Variants in PRKD1 observed in about 807,000 individuals in gnomAD.
PRKD1 encodes protein kinase D1, also known as serine/threonine-protein kinase D1.
PRKD1 carries 63 observed loss-of-function variants against 95.9 expected under a neutral mutation model. That is an observed-to-expected ratio of 0.66 (90% CI 0.54 to 0.81). The LOEUF (loss-of-function observed/expected upper bound fraction) is 0.81, where lower values mean the gene tolerates loss of function less well. PRKD1 is among the 30% of genes least tolerant of loss of function. PRKD1 has a pLI of 0.00. For missense variants in PRKD1, 1,048 were observed against 1,165.3 expected (o/e 0.90, Z 1.47); for synonymous variants, 425 against 423.1 (o/e 1.00, Z -0.05).
intron 17 of PRKD1, among the ~76,000 whole-genome samples, chr14:29,578,051 T>C (rs575756322): frequency 2.6e-5 from 4 of 152,204 alleles, no homozygotes; most frequent in Admixed American, 2.0e-4. Context: ...TGTGTGTGTG[T>C]ATATGCGTGC....
intron 13 of PRKD1, among the ~76,000 whole-genome samples, chr14:29,609,443 A>G (rs1271793741): frequency 4.0e-5 from 6 of 151,050 alleles, no homozygotes; most frequent in Non-Finnish European, 7.4e-5. Context: ...GGTGAGGATC[A>G]ATTCAATGTT....
chr14:29,577,325 C>T lies in PRKD1; in HGVS notation c.2652G>A (p.Leu884=). The T allele has an allele frequency of 6.2e-7, 1 of 1,613,844 alleles. No homozygotes were observed. The highest frequency in any genetic ancestry group is 8.5e-7 in the Non-Finnish European group (1 of 1,179,842). Residue 884 remains leucine (L), a synonymous_variant, in exon 18 of 18, where the codon CTG becomes CTA. Transcript: ENST00000331968. ...GEQGLQYPTH[L]INPSASHSDT... ...CACTGTGGCTAGCACTTGGATTGAT[C>T]AGGTGTGTGGGGTACTGCAGCCCCT...
At chr14:29,725,824 G>T in intron 1 of PRKD1, 150 bp from the exon 2 acceptor site, 1 of 789,786 alleles carries the variant, frequency 1.3e-6, no homozygotes, top group Non-Finnish European at 1.8e-6. Flanking sequence ...TAAATAAATG[G>T]TAGAGTTGAT....
intron 16 of PRKD1, among the ~76,000 whole-genome samples, chr14:29,584,639 A>G (rs766312885): frequency 7.2e-5 from 11 of 152,220 alleles, no homozygotes; most frequent in Non-Finnish European, 1.5e-4. Context: ...CAGACTGAAT[A>G]CATTAAATAG....
Position 29,577,398 on chromosome 14 carries a change from A to G in PRKD1, c.2579T>C (p.Ile860Thr). The change falls in exon 18 of 18, where the codon ATC (isoleucine) becomes ACC (threonine). Residue 860 changes from isoleucine (I) to threonine (T), a missense_variant. Around this residue, in one of 3 missense-constraint regions of PRKD1, gnomAD observed 739 missense variants for 861.9 expected, o/e 0.86. Transcript: ENST00000331968. ...CCTCAGGTCATCACTTTCATGGGTGATGTAGCGCTCCCCGATTTTGCATTC... is the reference window on the plus strand; with the variant it reads ...CCTCAGGTCATCACTTTCATGGGTGGTGTAGCGCTCCCCGATTTTGCATTC... ...ELECKIGERY[I>T]THESDDLRWE... The G allele has an allele frequency of 6.2e-7, 1 of 1,613,802 alleles. No homozygotes were observed. Among genetic ancestry groups the G allele is most frequent in the Non-Finnish European group, 8.5e-7 (1 of 1,179,814 alleles).
At chr14:29,621,707 C>T (rs990236984) in intron 13 of PRKD1, among the ~76,000 whole-genome samples, 2 of 152,140 alleles carry the variant, frequency 1.3e-5, no homozygotes, top group Admixed American at 6.5e-5. Context: ...CCCATGACAG[C>T]AAAGAGCTGT....
intron 1 of PRKD1, among the ~76,000 whole-genome samples, chr14:29,858,580 G>C (rs1052948661): frequency 1.3e-5 from 2 of 152,018 alleles, no homozygotes; most frequent in African/African-American, 4.8e-5. Flanking sequence ...CGAAACACTA[G>C]AGATTACTTG....
chr14:29,725,698 G>T, intron 1 of PRKD1, 24 bp from the exon 2 acceptor site: 1 of 1,602,074 alleles, frequency 6.2e-7, no homozygotes, highest in Non-Finnish European at 8.5e-7. Context: ...TACCATGAGA[G>T]TGTAAATGTC....
In PRKD1 at chr14:29,626,481, T is replaced by G. The variant is rs376007281; in HGVS notation, c.1798+3A>C. On this transcript the variant is annotated splice_donor_region_variant and intron_variant, in intron 12 of 17. Transcript: ENST00000331968. Reference sequence around the variant, plus strand: ...CATAAAAATACTCAGTGAGATAACCTACCTCCATAAACAATTCCAAACTGT... The same window carrying G: ...CATAAAAATACTCAGTGAGATAACCGACCTCCATAAACAATTCCAAACTGT... 6.2e-7 allele frequency: 1 copy of G among 1,607,964 alleles called. No individual in the cohort carries two copies. Among genetic ancestry groups the G allele is most frequent in the African/African-American group, 1.3e-5 (1 of 74,630 alleles).
In PRKD1 at chr14:29,916,130, G is replaced by A. The variant is rs142156300; in HGVS notation, c.264+11119C>T. On this transcript the variant is annotated intron_variant, in intron 1 of 17. Coordinates refer to ENST00000331968, the MANE Select transcript of PRKD1 (RefSeq NM_002742.3). The stretch of plus-strand genomic sequence containing the variant: ...GCTTTGACACTCACAGAATTTTCCA[G>A]AAGAGGCCCTGGAACCTTGCCTATC... Among the ~76,000 whole-genome samples the A allele has an allele frequency of 6.7e-3, 1,020 of 152,290 alleles. 6 individuals are homozygous for A. The highest frequency in any genetic ancestry group is 0.01 in the Non-Finnish European group (697 of 68,028).
intron 2 of PRKD1, among the ~76,000 whole-genome samples, chr14:29,701,039 C>T (rs1428459623): frequency 7.4e-6 from 1 of 134,676 alleles, no homozygotes; most frequent in Non-Finnish European, 1.6e-5. Flanking sequence ...GGGAATCCTA[C>T]TTAATAGAGT....
chr14:29,845,130 T>C (rs1892030251), intron 1 of PRKD1, among the ~76,000 whole-genome samples: 1 of 152,212 alleles, frequency 6.6e-6, no homozygotes, highest in Non-Finnish European at 1.5e-5. Flanking sequence ...TTTTCTATGT[T>C]CTCCAATTTT....
intron 12 of PRKD1, among the ~76,000 whole-genome samples, chr14:29,624,522 T>C (rs1879488239): frequency 6.6e-6 from 1 of 152,138 alleles, no homozygotes; most frequent in South Asian, 2.1e-4. Flanking sequence ...GTTTTTTTCA[T>C]AAAATATATG....
At chr14:29,826,544 GTATACATATATATGATGGAATATATATA>G (rs199589769) in intron 1 of PRKD1, among the ~76,000 whole-genome samples, 694 of 27,552 alleles carry the variant, frequency 0.025, 40 homozygotes, top group Non-Finnish European at 0.039. Context: ...TGGAATATAT[GTATACATATATATGATGGAATATATATA>G]TATACATATA....
chr14:29,755,696 G>A (rs1887666555), intron 1 of PRKD1, among the ~76,000 whole-genome samples: 1 of 152,100 alleles, frequency 6.6e-6, no homozygotes, highest in Non-Finnish European at 1.5e-5. Flanking sequence ...CCCTCCAAAA[G>A]TTTGCCCTTT....
chr14:29,635,586 A>G (rs549447667), intron 7 of PRKD1, among the ~76,000 whole-genome samples: 2 of 152,378 alleles, frequency 1.3e-5, no homozygotes, highest in Admixed American at 1.3e-4. Flanking sequence ...AGGCTTTATA[A>G]TATAAATCAG....
intron 7 of PRKD1, among the ~76,000 whole-genome samples, chr14:29,635,178 T>C (rs1880286459): frequency 6.6e-6 from 1 of 152,180 alleles, no homozygotes; most frequent in African/African-American, 2.4e-5. Flanking sequence ...CATGAAAGCT[T>C]ATTTGCTTAT....
chr14:29,806,058 C>A (rs1298179925), intron 1 of PRKD1, among the ~76,000 whole-genome samples: 1 of 152,150 alleles, frequency 6.6e-6, no homozygotes, highest in Non-Finnish European at 1.5e-5. Flanking sequence ...ATAGATCAAT[C>A]TGCTTAGCAA....
chr14:29,636,466 A>T lies in PRKD1; in HGVS notation c.1014T>A (p.Asp338Glu). 1 of 1,614,120 alleles carries T rather than the reference A, an allele frequency of 6.2e-7. No individual in the cohort carries two copies. Among genetic ancestry groups the T allele is most frequent in the Non-Finnish European group, 8.5e-7 (1 of 1,180,018 alleles). The change falls in exon 7 of 18, where the codon GAT becomes GAA. Residue 338 changes from aspartate to glutamate, a missense_variant. By Grantham distance (45) the Asp-to-Glu change is conservative. Coordinates refer to ENST00000331968, the MANE Select transcript of PRKD1 (RefSeq NM_002742.3). ...GDLLSPGAES[D>E]VVMEEGSDDN... ...CATCACTCCCTTCTTCCATGACCAC[A>T]TCAGACTCTGCCCCAGGGCTAAGCA...
Sources: allele counts gnomAD v4.1 joint callset (sites outside exome capture counted in the v4.1 genomes callset), GRCh38; gene constraint gnomAD v4.1.1; regional missense constraint gnomAD v4.1.1; transcripts MANE v1.5; gene names NCBI Gene and HGNC (gene_info 2026-07-23, HGNC 2026-07-21).